The following FHIT variants were observed in gnomAD, a reference collection of about 807,000 sequenced individuals.
FHIT encodes the protein bis(5'-adenosyl)-triphosphatase.
A neutral mutation model predicts 17.9 loss-of-function variants in FHIT; 19 were observed. The observed-to-expected ratio is 1.06, with a 90% CI of 0.74 to 1.56. The LOEUF is 1.56. Ranked by LOEUF, FHIT falls within the 40% of genes most tolerant of loss-of-function variation. The pLI, the probability that FHIT is intolerant of heterozygous loss-of-function variation, is 0.00. For synonymous variants in FHIT, 81 were observed against 69.7 expected (o/e 1.16, Z -0.81); for missense variants, 248 against 189.2 (o/e 1.31, Z -1.82).
intron 7 of FHIT, among the ~76,000 whole-genome samples, chr3:60,009,810 T>A (rs1199046252): frequency 6.6e-6 from 1 of 152,190 alleles, no homozygotes; most frequent in Non-Finnish European, 1.5e-5. Flanking sequence ...CTTGTCCCAG[T>A]CCCTGGCAAC....
At chr3:59,891,475 T>C (rs1703853795) in intron 8 of FHIT, among the ~76,000 whole-genome samples, 1 of 152,198 alleles carries the variant, frequency 6.6e-6, no homozygotes, top group African/African-American at 2.4e-5. Context: ...GCTGCAAATG[T>C]GCAGGGCATG....
At chr3:60,743,848 GT>G (rs1297120131) in intron 4 of FHIT, among the ~76,000 whole-genome samples, 3 of 152,152 alleles carry the variant, frequency 2.0e-5, no homozygotes, top group Non-Finnish European at 4.4e-5. Flanking sequence ...CTTTCACGGG[GT>G]TTTTTTGTCT....
At chr3:60,873,850 A>C (rs1397621777) in intron 3 of FHIT, among the ~76,000 whole-genome samples, 2 of 152,188 alleles carry the variant, frequency 1.3e-5, no homozygotes, top group African/African-American at 4.8e-5. Flanking sequence ...ATTTAGATAA[A>C]CTTCGATGTA....
At chr3:61,236,614 G>C (rs1261769183) in intron 1 of FHIT, among the ~76,000 whole-genome samples, 1 of 152,190 alleles carries the variant, frequency 6.6e-6, no homozygotes, top group Non-Finnish European at 1.5e-5. Context: ...TCACTTTACA[G>C]ATGTGGAAAG....
chr3:60,325,693 A>T (rs1243097709), intron 5 of FHIT, among the ~76,000 whole-genome samples: 1 of 152,224 alleles, frequency 6.6e-6, no homozygotes, highest in Non-Finnish European at 1.5e-5. Context: ...ATCATAAACC[A>T]AGGCAAAAGA....
intron 4 of FHIT, among the ~76,000 whole-genome samples, chr3:60,722,844 T>C (rs141809969): frequency 8.2e-4 from 123 of 150,210 alleles, no homozygotes; most frequent in African/African-American, 2.9e-3. Flanking sequence ...TGCCTCAGCC[T>C]CCCAAGTAAC....
chr3:60,884,695 A>C (rs1705131886), intron 3 of FHIT, among the ~76,000 whole-genome samples: 2 of 152,056 alleles, frequency 1.3e-5, no homozygotes, highest in South Asian at 2.1e-4. Flanking sequence ...GCAATTTGGG[A>C]GGCTGAGGGA....
At chr3:60,145,117 T>C (rs373375192) in intron 5 of FHIT, among the ~76,000 whole-genome samples, 6 of 151,974 alleles carry the variant, frequency 3.9e-5, no homozygotes, top group African/African-American at 1.5e-4. Context: ...TTTGAAATCT[T>C]ATTCATATGT....
chr3:60,515,576 TA>T (rs67857835), intron 5 of FHIT, among the ~76,000 whole-genome samples: 74,616 of 144,020 alleles, frequency 0.52, 18,625 homozygotes, highest in Admixed American at 0.57. Context: ...GGCTTTAATT[TA>T]AAAAAAAAAA....
At chr3:60,456,411 A>T (rs1366278324) in intron 5 of FHIT, among the ~76,000 whole-genome samples, 2 of 152,184 alleles carry the variant, frequency 1.3e-5, no homozygotes, top group Non-Finnish European at 2.9e-5. Flanking sequence ...CTGACTTCAG[A>T]CATAATTGTC....
chr3:59,921,230 T>C (rs1705387742), intron 8 of FHIT, among the ~76,000 whole-genome samples: 1 of 152,202 alleles, frequency 6.6e-6, no homozygotes, highest in Non-Finnish European at 1.5e-5. Context: ...ACTGCTGACC[T>C]ATTGTTCTTT....
chr3:60,221,163 A>G (rs17062509), intron 5 of FHIT, among the ~76,000 whole-genome samples: 7,660 of 152,244 alleles, frequency 0.05, 671 homozygotes, highest in African/African-American at 0.17. Context: ...GGAAAGCAAA[A>G]TATCTCCTAA....
At chr3:61,095,157 A>T (rs2035600574) in intron 2 of FHIT, among the ~76,000 whole-genome samples, 1 of 152,204 alleles carries the variant, frequency 6.6e-6, no homozygotes, top group African/African-American at 2.4e-5. Context: ...CAATTAATCT[A>T]TCCATTTACT....
chr3:60,512,293 A>G (rs1317804087), intron 5 of FHIT, among the ~76,000 whole-genome samples: 1 of 152,216 alleles, frequency 6.6e-6, no homozygotes, highest in African/African-American at 2.4e-5. Context: ...CCAATCAGTA[A>G]CAGCCCTTTA....
At chr3:59,875,849 G>A (rs953104938) in intron 8 of FHIT, among the ~76,000 whole-genome samples, 6 of 151,650 alleles carry the variant, frequency 4.0e-5, no homozygotes, top group African/African-American at 9.7e-5. Flanking sequence ...CCAGCCATGC[G>A]TCAGCCATGA....
chr3:60,204,444 G>GTTTTTTTTTTTT (rs56126245), intron 5 of FHIT, among the ~76,000 whole-genome samples: 2 of 114,974 alleles, frequency 1.7e-5, no homozygotes, highest in Non-Finnish European at 1.9e-5. Context: ...TAATATTCTG[G>GTTTTTTTTTTTT]TTTTTTTTTT....
intron 5 of FHIT, among the ~76,000 whole-genome samples, chr3:60,426,973 T>C (rs1702693001): frequency 6.6e-6 from 1 of 152,076 alleles, no homozygotes; most frequent in Non-Finnish European, 1.5e-5. Context: ...TAGGTTATGT[T>C]ATACAACAAA....
At chr3:60,846,537 C>T (rs1248836113) in intron 3 of FHIT, among the ~76,000 whole-genome samples, 3 of 152,170 alleles carry the variant, frequency 2.0e-5, no homozygotes, top group African/African-American at 7.2e-5. Flanking sequence ...AGTTACATTG[C>T]TTTGTGTATT....
chr3:60,317,077 A>G (rs1057216534), intron 5 of FHIT, among the ~76,000 whole-genome samples: 1 of 152,202 alleles, frequency 6.6e-6, no homozygotes. Context: ...ACAGGAAAGT[A>G]TATTGGCCCA....
Sources: gnomAD v4.1 joint callset for allele counts (sites outside exome capture counted in the v4.1 genomes callset) on GRCh38, gnomAD v4.1.1 for gene constraint, MANE v1.5 for transcripts, NCBI Gene and HGNC (gene_info 2026-07-23, HGNC 2026-07-21) for gene names.